SPIRE1: variants seen among roughly 807,000 people sequenced by gnomAD.
The protein encoded by SPIRE1 is spire type actin nucleation factor 1.
A neutral mutation model predicts 94.1 loss-of-function variants in SPIRE1; 40 were observed. That is an observed-to-expected ratio of 0.43 (90% CI 0.33 to 0.55). The LOEUF (loss-of-function observed/expected upper bound fraction) is 0.55. Among genes scored for constraint, SPIRE1 ranks in the 20% least tolerant of loss-of-function variants. SPIRE1 has a pLI of 0.06. For synonymous variants in SPIRE1, 376 were observed against 371.7 expected (o/e 1.01, Z -0.13); for missense variants, 838 against 975.2 (o/e 0.86, Z 1.87).
intron 2 of SPIRE1, among the ~76,000 whole-genome samples, chr18:12,610,044 T>C (rs2037095603): frequency 6.6e-6 from 1 of 152,106 alleles, no homozygotes; most frequent in African/African-American, 2.4e-5. Flanking sequence ...TCCTCACTGA[T>C]GCTTCCTCCC....
In SPIRE1 at chr18:12,559,912, A is replaced by C. The variant is rs1469895744; in HGVS notation, c.373-13008T>G. On this transcript the variant is annotated intron_variant, in intron 2 of 16. Coordinates refer to ENST00000409402, the MANE Select transcript of SPIRE1 (RefSeq NM_001128626.2). The surrounding 1 kb of genome is among the most constrained non-coding windows in gnomAD (Gnocchi z 4.7). ...CAATTCTATAGGAAAAAATCTAATA[A>C]TCTGATTAAAAATGGGCAAAAGATC... Among the ~76,000 whole-genome samples, 1 of 152,214 alleles carries C rather than the reference A, an allele frequency of 6.6e-6. No individual in the cohort carries two copies. Among genetic ancestry groups the C allele is most frequent in the Non-Finnish European group, 1.5e-5 (1 of 68,032 alleles).
At chr18:12,651,475 G>T (rs2038378471) in intron 1 of SPIRE1, among the ~76,000 whole-genome samples, 1 of 152,052 alleles carries the variant, frequency 6.6e-6, no homozygotes. Context: ...AGGAGATGTA[G>T]ACCATTCTGG....
intron 2 of SPIRE1, among the ~76,000 whole-genome samples, chr18:12,606,728 G>A (rs1025497867): frequency 6.6e-6 from 1 of 151,954 alleles, no homozygotes; most frequent in Non-Finnish European, 1.5e-5. Flanking sequence ...ACCGGGTTTC[G>A]CCATGTTGGC....
At chr18:12,466,370 G>C (rs550825980) in intron 10 of SPIRE1, among the ~76,000 whole-genome samples, 2 of 151,942 alleles carry the variant, frequency 1.3e-5, no homozygotes, top group African/African-American at 2.4e-5. Context: ...TCCGCCTCCC[G>C]GGCTCAAGCA....
At chr18:12,635,847 A>G (rs1443361884) in intron 1 of SPIRE1, among the ~76,000 whole-genome samples, 1 of 152,146 alleles carries the variant, frequency 6.6e-6, no homozygotes, top group Non-Finnish European at 1.5e-5. Context: ...ACAATTATAC[A>G]ATTAATTATA....
At chr18:12,600,002 G>C (rs756105726) in intron 2 of SPIRE1, among the ~76,000 whole-genome samples, 3 of 151,596 alleles carry the variant, frequency 2.0e-5, no homozygotes, top group Non-Finnish European at 4.4e-5. Context: ...TCCTTTGCTG[G>C]CTGTGAGGGA....
At position 12,452,313 on chromosome 18, in the gene SPIRE1, TA is replaced by T; in HGVS notation, c.1953del (p.Ser651ArgfsTer3). ...LGPSALQRGESSMRSEKPSTA... is the reference protein window; with the variant it reads ...LGPSALQRGEXSMRSEKPSTA... Reference sequence around the variant, plus strand: ...GTGGAGGGTTTTTCTGACCTCATACTACTTTCCCCTCTTTGCAGAGCAGAAG... The same window carrying T: ...GTGGAGGGTTTTTCTGACCTCATACTCTTTCCCCTCTTTGCAGAGCAGAAG... On this transcript the variant is annotated frameshift_variant, in exon 16 of 17. Coordinates refer to ENST00000409402, the MANE Select transcript of SPIRE1 (RefSeq NM_001128626.2). LOFTEE classifies it high-confidence loss of function. The T allele has an allele frequency of 6.2e-7, 1 of 1,614,090 alleles. No individual in the cohort carries two copies. The highest frequency in any genetic ancestry group is 1.1e-5 in the South Asian group (1 of 91,072).
chr18:12,625,380 G>A (rs1450938577), intron 2 of SPIRE1, among the ~76,000 whole-genome samples: 1 of 152,178 alleles, frequency 6.6e-6, no homozygotes, highest in East Asian at 1.9e-4. Context: ...TGACCAAGGA[G>A]AAAATGCTGT....
At chr18:12,625,209 C>T (rs746105560) in intron 2 of SPIRE1, among the ~76,000 whole-genome samples, 11 of 152,172 alleles carry the variant, frequency 7.2e-5, no homozygotes, top group Non-Finnish European at 1.3e-4. Context: ...AATTGACACT[C>T]GGAAGCGGCA....
intron 11 of SPIRE1, among the ~76,000 whole-genome samples, chr18:12,464,369 C>G (rs566183086): frequency 1.3e-5 from 2 of 152,100 alleles, no homozygotes; most frequent in African/African-American, 4.8e-5. Context: ...TTTAATACTT[C>G]ATAATGTTCT....
intron 4 of SPIRE1, among the ~76,000 whole-genome samples, chr18:12,531,714 A>G (rs1481579067): frequency 2.0e-5 from 3 of 152,242 alleles, no homozygotes; most frequent in African/African-American, 7.2e-5. Flanking sequence ...AGCAGGGGTT[A>G]AAGTTTTAGG....
intron 1 of SPIRE1, among the ~76,000 whole-genome samples, chr18:12,651,228 G>A (rs1462741280): frequency 2.0e-5 from 3 of 152,100 alleles, no homozygotes; most frequent in Non-Finnish European, 4.4e-5. Context: ...ATCTATTACT[G>A]TAACTGATAA....
chr18:12,660,153 G>A (rs2038666305), upstream of SPIRE1, among the ~76,000 whole-genome samples: 1 of 152,066 alleles, frequency 6.6e-6, no homozygotes, highest in Admixed American at 6.6e-5. Context: ...AATAAACTGA[G>A]GAATCTATGA....
intron 6 of SPIRE1, among the ~76,000 whole-genome samples, chr18:12,498,029 C>G (rs557918599): frequency 6.6e-6 from 1 of 152,158 alleles, no homozygotes; most frequent in Non-Finnish European, 1.5e-5. Flanking sequence ...TAAGTCAGTA[C>G]GGGTGGAGGA....
chr18:12,494,684 A>G (rs1031374951), intron 7 of SPIRE1, among the ~76,000 whole-genome samples: 4 of 151,088 alleles, frequency 2.6e-5, no homozygotes, highest in Non-Finnish European at 5.9e-5. Context: ...AAAAATACAA[A>G]AAAAATTAGC....
At chr18:12,464,017 T>C (rs1028676476) in intron 11 of SPIRE1, among the ~76,000 whole-genome samples, 12 of 152,304 alleles carry the variant, frequency 7.9e-5, no homozygotes, top group African/African-American at 2.9e-4. Context: ...AGGAGAACAT[T>C]AGAAATAAAT....
At position 12,658,095 on chromosome 18, in the gene SPIRE1, C is replaced by G; in HGVS notation, c.-229G>C. 1 of 987,462 alleles carries G rather than the reference C, an allele frequency of 1.0e-6. No homozygotes were observed. The highest frequency in any genetic ancestry group is 1.2e-6 in the Non-Finnish European group (1 of 831,764). 61.2% of individuals were successfully genotyped at this position (987,462 alleles called of 1,614,324 possible). On this transcript the variant is annotated 5_prime_UTR_variant, in exon 1 of 17. Transcript: ENST00000409402. ...TCAGACAGCCGCCGGCCGGTAGCGACGCGATGGCGTCCGGCGCCCCGCCCC... is the reference window on the plus strand; with the variant it reads ...TCAGACAGCCGCCGGCCGGTAGCGAGGCGATGGCGTCCGGCGCCCCGCCCC...
intron 9 of SPIRE1, among the ~76,000 whole-genome samples, chr18:12,481,096 G>A (rs768769245): frequency 2.0e-5 from 3 of 152,098 alleles, no homozygotes; most frequent in African/African-American, 4.8e-5. Flanking sequence ...TTGGGAGGCC[G>A]AGCCAGGAGG....
intron 1 of SPIRE1, among the ~76,000 whole-genome samples, chr18:12,646,225 C>T (rs747347564): frequency 6.6e-5 from 10 of 152,116 alleles, no homozygotes; most frequent in Admixed American, 1.3e-4. Context: ...TAGGCTACAG[C>T]CCCATCCTGG....
Sources: gnomAD v4.1 joint callset for allele counts (sites outside exome capture counted in the v4.1 genomes callset) on GRCh38, gnomAD v4.1.1 for gene constraint, Gnocchi (gnomAD v3.1) non-coding constraint, MANE v1.5 for transcripts, NCBI Gene and HGNC (gene_info 2026-07-23, HGNC 2026-07-21) for gene names.